The following LSM10 variants were observed in gnomAD, a reference collection of about 807,000 sequenced individuals.
The protein encoded by LSM10 is LSM10, U7 small nuclear RNA associated.
A neutral mutation model predicts 5.2 loss-of-function variants in LSM10; 4 were observed. That is an observed-to-expected ratio of 0.77 (90% CI 0.38 to 1.77). The LOEUF (loss-of-function observed/expected upper bound fraction) is 1.77, where lower values mean the gene tolerates loss of function less well. Ranked by LOEUF, LSM10 falls within the 40% of genes most tolerant of loss-of-function variation. The pLI is 0.04. For missense variants in LSM10, 150 were observed against 171.6 expected (o/e 0.87, Z 0.70); for synonymous variants, 63 against 67.4 (o/e 0.94, Z 0.32).
chr1:36,393,705 G>C lies in LSM10; in HGVS notation c.*53C>G. The C allele has an allele frequency of 6.3e-7, 1 of 1,593,812 alleles. No individual in the cohort carries two copies. Among genetic ancestry groups the C allele is most frequent in the Non-Finnish European group, 8.6e-7 (1 of 1,168,490 alleles). Reference sequence around the variant, plus strand: ...GACAGGGTGTGAGGGCAGGGAACTAGCTCCGGAGATCACTGGAGGACTCCG... The same window carrying C: ...GACAGGGTGTGAGGGCAGGGAACTACCTCCGGAGATCACTGGAGGACTCCG... On this transcript the variant is annotated 3_prime_UTR_variant, in exon 2 of 2. Coordinates refer to ENST00000315732, the MANE Select transcript of LSM10 (RefSeq NM_032881.3).
intron 1 of LSM10, among the ~76,000 whole-genome samples, chr1:36,394,979 T>C (rs61465642): frequency 0.31 from 47,485 of 151,396 alleles, 7,583 homozygotes; most frequent in African/African-American, 0.35. Flanking sequence ...TGGTGGCACA[T>C]GCCTGTAATC....
chr1:36,396,650 C>T (rs1557535003), intron 1 of LSM10, among the ~76,000 whole-genome samples: 1 of 152,214 alleles, frequency 6.6e-6, no homozygotes, highest in East Asian at 1.9e-4. Flanking sequence ...TATTGGTCTA[C>T]ACCATGCAGC....
chr1:36,397,709 G>C (rs918864167), intron 1 of LSM10, 58 bp downstream of exon 1: 1 of 152,014 alleles, frequency 6.6e-6, no homozygotes, highest in Non-Finnish European at 1.5e-5. Flanking sequence ...CCTTCCGGAG[G>C]TCCTGGCATC....
Position 36,393,556 on chromosome 1 carries a change from C to T in LSM10, c.*202G>A. On this transcript the variant is annotated 3_prime_UTR_variant, in exon 2 of 2. Transcript: ENST00000315732. ...GGGGGATTGTCACCTACCCCAAGGCCACATATAGGATTCTGGGTCCCAGAG... is the reference window on the plus strand; with the variant it reads ...GGGGGATTGTCACCTACCCCAAGGCTACATATAGGATTCTGGGTCCCAGAG... The T allele has an allele frequency of 1.5e-6, 1 of 652,834 alleles. No homozygotes were observed. The highest frequency in any genetic ancestry group is 1.8e-5 in the African/African-American group (1 of 55,412). 40.4% of individuals were successfully genotyped at this position (652,834 alleles called of 1,614,324 possible). A position where few individuals can be genotyped will look rare whatever the true frequency, so the allele number is the denominator to read the frequency against.
chr1:36,395,949 C>T (rs781312735), intron 1 of LSM10, among the ~76,000 whole-genome samples: 1 of 151,284 alleles, frequency 6.6e-6, no homozygotes, highest in Non-Finnish European at 1.5e-5. Flanking sequence ...CGGCTGGGCG[C>T]GGTGGCTCAC....
chr1:36,397,368 GA>G (rs1196385108), intron 1 of LSM10, among the ~76,000 whole-genome samples: 1 of 152,196 alleles, frequency 6.6e-6, no homozygotes, highest in Non-Finnish European at 1.5e-5. Flanking sequence ...GGCCAGTGAC[GA>G]GGGGGCCTGG....
At position 36,393,588 on chromosome 1, in the gene LSM10, T is replaced by C; in HGVS notation, c.*170A>G. ...AGGATTCTGGGTCCCAGAGTGAGTCTGGGAGGTGGAACCCTGTGAAAGGCA... is the reference window on the plus strand; with the variant it reads ...AGGATTCTGGGTCCCAGAGTGAGTCCGGGAGGTGGAACCCTGTGAAAGGCA... On this transcript the variant is annotated 3_prime_UTR_variant, in exon 2 of 2. Transcript: ENST00000315732. 3.5e-6 allele frequency: 3 copies of C among 853,222 alleles called. No homozygotes were observed. Among genetic ancestry groups the C allele is most frequent in the Non-Finnish European group, 3.7e-6 (2 of 546,112 alleles). 52.9% of individuals were successfully genotyped at this position (853,222 alleles called of 1,614,324 possible). A position where few individuals can be genotyped will look rare whatever the true frequency, so the allele number is the denominator to read the frequency against.
chr1:36,395,715 C>T (rs1023896609), intron 1 of LSM10, among the ~76,000 whole-genome samples: 26 of 150,234 alleles, frequency 1.7e-4, no homozygotes, highest in Non-Finnish European at 2.8e-4. Context: ...GAGGTGGAGG[C>T]TGCAGTGAGC....
chr1:36,397,042 G>A (rs1043836169), intron 1 of LSM10, among the ~76,000 whole-genome samples: 4 of 152,004 alleles, frequency 2.6e-5, no homozygotes, highest in East Asian at 3.9e-4. Context: ...AGGTACATAG[G>A]TTTTGAAGGT....
chr1:36,395,614 C>T (rs1647151521), intron 1 of LSM10, among the ~76,000 whole-genome samples: 1 of 151,814 alleles, frequency 6.6e-6, no homozygotes, highest in Admixed American at 6.6e-5. Flanking sequence ...CCCATCTCTA[C>T]TAAAAATACA....
chr1:36,395,405 C>T (rs6425985), intron 1 of LSM10, among the ~76,000 whole-genome samples: 47,607 of 152,050 alleles, frequency 0.31, 7,608 homozygotes, highest in African/African-American at 0.35. Context: ...AAATCAATAA[C>T]TTTAAAAAAA....
intron 1 of LSM10, among the ~76,000 whole-genome samples, chr1:36,395,603 C>T (rs1647151408): frequency 6.6e-6 from 1 of 151,780 alleles, no homozygotes; most frequent in South Asian, 2.1e-4. Context: ...TATGGTGAAA[C>T]CCCATCTCTA....
At chr1:36,395,423 A>G (rs1647150569) in intron 1 of LSM10, among the ~76,000 whole-genome samples, 1 of 152,188 alleles carries the variant, frequency 6.6e-6, no homozygotes. Flanking sequence ...AAAGAAAAAT[A>G]TGGCTAGGAG....
At chr1:36,394,198 G>A (rs1367726209) in intron 1 of LSM10, 45 bp from the exon 2 acceptor site, 2 of 1,532,874 alleles carry the variant, frequency 1.3e-6, no homozygotes, top group Non-Finnish European at 1.8e-6. Flanking sequence ...AGGGTAGGGG[G>A]TACAGTTGCC....
chr1:36,396,300 C>T (rs550251169), intron 1 of LSM10, among the ~76,000 whole-genome samples: 72 of 151,456 alleles, frequency 4.8e-4, no homozygotes, highest in African/African-American at 1.6e-3. Context: ...GTTAGAAATG[C>T]GCAATCTCAG....
rs756055521 is a variant in LSM10 at position 36,393,841 on chromosome 1, G to A, written c.289C>T (p.Gln97Ter). Reference sequence around the variant, plus strand: ...CGCACCCGATGGATAATCTGCAGCTGCTGCTCAATGGTCGAGGTGATGTTC... The same window carrying A: ...CGCACCCGATGGATAATCTGCAGCTACTGCTCAATGGTCGAGGTGATGTTC... ...DVNITSTIEQ[Q>*]LQIIHRVRNF... is the part of the protein sequence containing the mutation. The change falls in exon 2 of 2, where the codon CAG becomes TAG. Residue 97 changes from glutamine (Q) to a stop codon, truncating the protein, a stop_gained. Coordinates refer to ENST00000315732, the MANE Select transcript of LSM10 (RefSeq NM_032881.3). LOFTEE classifies it high-confidence loss of function. 9 of 1,614,124 alleles carry A rather than the reference G, an allele frequency of 5.6e-6. No individual in the cohort carries two copies. The highest frequency in any genetic ancestry group is 7.6e-6 in the Non-Finnish European group (9 of 1,180,054).
chr1:36,396,176 G>A (rs1424301022), intron 1 of LSM10, among the ~76,000 whole-genome samples: 4 of 133,900 alleles, frequency 3.0e-5, no homozygotes, highest in Admixed American at 2.6e-4. Context: ...TGAGCTGCAA[G>A]TGGAGTGCCA....
chr1:36,394,008 C>T lies in LSM10; in HGVS notation c.122G>A (p.Gly41Glu), dbSNP rs1179207898. 2 of 1,614,094 alleles carry T rather than the reference C, an allele frequency of 1.2e-6. No homozygotes were observed. The highest frequency in any genetic ancestry group is 1.7e-6 in the Non-Finnish European group (2 of 1,180,048). The change falls in exon 2 of 2, where the codon GGA becomes GAA. Residue 41 changes from glycine to glutamate, a missense_variant. Coordinates refer to ENST00000315732, the MANE Select transcript of LSM10 (RefSeq NM_032881.3). ...VDLRDESVAH[G>E]RIDNVDAFMN... ...GAAAGCATCGACATTGTCTATGCGT[C>T]CGTGGGCCACGCTCTCATCCCGCAG... is the stretch of plus-strand genomic sequence containing the variant.
At position 36,394,727 on chromosome 1, in the gene LSM10, C is replaced by T. The variant is rs933614386; in HGVS notation, c.-24-574G>A. Among the ~76,000 whole-genome samples the T allele has an allele frequency of 1.2e-4, 18 of 151,304 alleles. No individual in the cohort carries two copies. The East Asian group carries it at 2.0e-3, about 16-fold the overall frequency. ...TCGGGAGGCTGAGGCAGGAGAATAG[C>T]GTGAACCTAAGAGGCGGAGCTTGCA... On this transcript the variant is annotated intron_variant, in intron 1 of 1. Transcript: ENST00000315732.
Sources: gnomAD v4.1 joint callset for allele counts (sites outside exome capture counted in the v4.1 genomes callset) on GRCh38, gnomAD v4.1.1 for gene constraint, MANE v1.5 for transcripts, NCBI Gene and HGNC (gene_info 2026-07-23, HGNC 2026-07-21) for gene names.